METTL8: variants seen among roughly 807,000 people sequenced by gnomAD.
The protein encoded by METTL8 is tRNA N(3)-cytidine methyltransferase METTL8, mitochondrial.
In METTL8, 32 loss-of-function variants were observed where a neutral mutation model predicts 48.7. That is an observed-to-expected ratio of 0.66 (90% CI 0.50 to 0.88). The LOEUF is 0.88. Ranked by LOEUF, METTL8 falls within the 40% of genes least tolerant of loss-of-function variation. The pLI is 0.00. For missense variants in METTL8, 464 were observed against 474.4 expected (o/e 0.98, Z 0.20); for synonymous variants, 136 against 157.1 (o/e 0.87, Z 1.01).
At chr2:171,434,296 C>T, upstream of METTL8, 2 of 596,214 alleles carry the variant, frequency 3.4e-6, no homozygotes, top group Non-Finnish European at 6.2e-6. Context: ...CGGCCGGCCG[C>T]GCGGTACCGG....
intron 1 of METTL8, among the ~76,000 whole-genome samples, chr2:171,399,479 T>C (rs1242136282): frequency 6.6e-6 from 1 of 152,120 alleles, no homozygotes; most frequent in Non-Finnish European, 1.5e-5. Context: ...GTGGTTTTAA[T>C]AGTTACCAGT....
intron 3 of METTL8, among the ~76,000 whole-genome samples, chr2:171,349,325 T>A (rs1412659973): frequency 6.6e-6 from 1 of 152,168 alleles, no homozygotes; most frequent in Non-Finnish European, 1.5e-5. Flanking sequence ...TCTTAATATT[T>A]CCCCCATTTC....
Position 171,352,386 on chromosome 2 carries a change from C to T in METTL8, c.235+8036G>A, listed in dbSNP as rs1299143681. 2.6e-5 allele frequency among the ~76,000 whole-genome samples: 4 copies of T among 152,180 alleles called. No homozygotes were observed. The South Asian group carries it at 8.3e-4, about 32-fold the overall frequency. On this transcript the variant is annotated intron_variant, in intron 3 of 9. Transcript: ENST00000375258. ...GCCAGTATTTTATTTAGGATTTTCA[C>T]ATCAATGTTCATCAGGGATCAGGGA...
chr2:171,330,342 T>C (rs1443612903), intron 7 of METTL8, among the ~76,000 whole-genome samples: 4 of 152,252 alleles, frequency 2.6e-5, no homozygotes, highest in Non-Finnish European at 5.9e-5. Flanking sequence ...CACTTCATTC[T>C]GACAGTGACA....
rs1684395268 is a variant in METTL8 at position 171,319,014 on chromosome 2, T to G, written c.*5158A>C. ...TAATGTGTATAGTATACACAAAATCTAGCATTCAGAGCTAAATTAAGAGTA... is the reference window on the plus strand; with the variant it reads ...TAATGTGTATAGTATACACAAAATCGAGCATTCAGAGCTAAATTAAGAGTA... On this transcript the variant is annotated 3_prime_UTR_variant, in exon 10 of 10. Transcript: ENST00000375258. The G allele has an allele frequency of 6.6e-6, 1 of 152,120 alleles. No homozygotes were observed. The highest frequency in any genetic ancestry group is 2.4e-5 in the African/African-American group (1 of 41,418). The allele number at this position is 152,120 out of a possible 1,614,324, so 9.4% of individuals were successfully genotyped here.
intron 1 of METTL8, among the ~76,000 whole-genome samples, chr2:171,433,626 T>A (rs1693413825): frequency 6.6e-6 from 1 of 152,178 alleles, no homozygotes; most frequent in Non-Finnish European, 1.5e-5. Context: ...CCAATAAGAA[T>A]GTAAGCATTT....
intron 1 of METTL8, among the ~76,000 whole-genome samples, chr2:171,416,137 G>A (rs1282160408): frequency 6.6e-6 from 1 of 152,114 alleles, no homozygotes; most frequent in Non-Finnish European, 1.5e-5. Flanking sequence ...TTTCTGACGC[G>A]CCAGGATCGT....
At chr2:171,408,544 G>A (rs953588531) in intron 1 of METTL8, among the ~76,000 whole-genome samples, 2 of 151,888 alleles carry the variant, frequency 1.3e-5, no homozygotes, top group Non-Finnish European at 1.5e-5. Flanking sequence ...CACCCACCTC[G>A]GCCTCCCAAA....
At chr2:171,397,351 C>CAAAA (rs1241904871) in intron 1 of METTL8, among the ~76,000 whole-genome samples, 1 of 11,404 alleles carries the variant, frequency 8.8e-5, no homozygotes. Context: ...GACCCTGTCT[C>CAAAA]TAAAAAAAAA....
rs1237532851 is a variant in METTL8, at chr2:171,392,138, C to A, written c.48G>T (p.Lys16Asn). The change falls in exon 2 of 10, where the codon AAG becomes AAT. Residue 16 changes from lysine (K) to asparagine (N), a missense_variant. By Grantham distance (94) the Lys-to-Asn change is moderately conservative (BLOSUM62 0). Transcript: ENST00000375258. ...AACCACTTTGGTATCTGTGTGGCAC[C>A]TTTCCTAGCCTTAGACAAGAAATGG... ...RNSISCLRLG[K>N]VPHRYQSGYH... is the part of the protein sequence containing the mutation. 24 of 1,551,630 alleles carry A rather than the reference C, an allele frequency of 1.5e-5. No homozygotes were observed. Among genetic ancestry groups the A allele is most frequent in the Non-Finnish European group, 2.1e-5 (24 of 1,146,952 alleles).
intron 1 of METTL8, among the ~76,000 whole-genome samples, chr2:171,428,122 G>C (rs527329578): frequency 6.6e-6 from 1 of 151,962 alleles, no homozygotes; most frequent in South Asian, 2.1e-4. Context: ...CACAGACAAA[G>C]AATAGAAAAA....
At chr2:171,407,092 A>C (rs1690259174) in intron 1 of METTL8, among the ~76,000 whole-genome samples, 1 of 152,208 alleles carries the variant, frequency 6.6e-6, no homozygotes, top group South Asian at 2.1e-4. Flanking sequence ...AGGAAAATAT[A>C]ACTAGTAACC....
intron 2 of METTL8, among the ~76,000 whole-genome samples, chr2:171,371,657 T>C (rs2105502734): frequency 6.6e-6 from 1 of 151,958 alleles, no homozygotes; most frequent in East Asian, 1.9e-4. Flanking sequence ...GTGCCCAGCC[T>C]ATAACAAGGT....
At chr2:171,342,187 C>G (rs958872382) in intron 3 of METTL8, among the ~76,000 whole-genome samples, 3 of 152,130 alleles carry the variant, frequency 2.0e-5, no homozygotes, top group African/African-American at 7.2e-5. Flanking sequence ...TCTTTATGGC[C>G]TTGTACCGTG....
intron 1 of METTL8, among the ~76,000 whole-genome samples, chr2:171,394,904 G>A (rs1688914745): frequency 2.6e-5 from 4 of 152,156 alleles, no homozygotes; most frequent in Admixed American, 2.6e-4. Flanking sequence ...TCCTTGCAGT[G>A]CGAAGGAAGT....
Position 171,405,558 on chromosome 2 carries a change from G to A in METTL8, c.-12-13361C>T, listed in dbSNP as rs149688217. Among the ~76,000 whole-genome samples the A allele has an allele frequency of 1.4e-3, 218 of 152,284 alleles. 4 individuals are homozygous for A. The East Asian group carries it at 0.015, about 10-fold the overall frequency. Reference sequence around the variant, plus strand: ...GTAGATGACTGACAGGCAGAGGAGAGAAAAGGAGAGAAGTTGGGCTGTATT... The same window carrying A: ...GTAGATGACTGACAGGCAGAGGAGAAAAAAGGAGAGAAGTTGGGCTGTATT... On this transcript the variant is annotated intron_variant, in intron 1 of 9. Transcript: ENST00000375258.
chr2:171,336,459 T>C lies in METTL8; in HGVS notation c.656+994A>G, dbSNP rs1369767610. ...CTCTGTCGCCCAGGCTGGAATGCAG[T>C]AGCGAGATCTCGGCTCACTGCAAGC... On this transcript the variant is annotated intron_variant, in intron 5 of 9. Coordinates refer to ENST00000375258, the MANE Select transcript of METTL8 (RefSeq NM_001321154.2). Among the ~76,000 whole-genome samples the C allele has an allele frequency of 3.7e-5, 5 of 133,520 alleles. No individual in the cohort carries two copies. In the Admixed American group the frequency reaches 4.2e-4, roughly 11 times the overall value. 87.6% of individuals were successfully genotyped at this position (133,520 alleles called of 152,430 possible).
rs1270296912 is a variant in METTL8 at position 171,324,329 on chromosome 2, A to G, written c.1067T>C (p.Leu356Ser). The change falls in exon 10 of 10, where the codon TTA (leucine) becomes TCA (serine). Residue 356 changes from leucine to serine, a missense_variant. Coordinates refer to ENST00000375258, the MANE Select transcript of METTL8 (RefSeq NM_001321154.2). ...ATCAACCAGATTTTGCTTTTCATCT[A>G]AACTGGCTTTGCAGAACATACTGTG... ...EVHSMFCKAS[L>S]DEKQNLVDRR... is the part of the protein sequence containing the mutation. 3 of 1,551,686 alleles carry G rather than the reference A, an allele frequency of 1.9e-6. 1 individual carries two copies. Among genetic ancestry groups the G allele is most frequent in the East Asian group, 4.9e-5 (2 of 40,920 alleles).
intron 3 of METTL8, among the ~76,000 whole-genome samples, chr2:171,356,743 T>A (rs2105462459): frequency 6.6e-6 from 1 of 152,258 alleles, no homozygotes; most frequent in East Asian, 1.9e-4. Context: ...TTTCATTCTT[T>A]TTTTATGGCA....
Sources: allele counts gnomAD v4.1 joint callset (sites outside exome capture counted in the v4.1 genomes callset), GRCh38; gene constraint gnomAD v4.1.1; transcripts MANE v1.5; gene names NCBI Gene and HGNC (gene_info 2026-07-23, HGNC 2026-07-21).